The following CATSPERB variants were observed in gnomAD, a reference collection of about 807,000 sequenced individuals.
The protein encoded by CATSPERB is catsper channel auxiliary subunit beta.
A neutral mutation model predicts 128.3 loss-of-function variants in CATSPERB; 93 were observed. The observed-to-expected ratio is 0.72, with a 90% CI of 0.61 to 0.86. The LOEUF is 0.86. CATSPERB is among the 40% of genes least tolerant of loss of function. The probability of loss-of-function intolerance (pLI) is 0.00; values close to 1 mark genes in which losing one functional copy is unlikely to be tolerated. For missense variants in CATSPERB, 1,153 were observed against 1,329.5 expected, an observed-to-expected ratio of 0.87 and a Z score of 2.06; for synonymous variants, 381 against 448.8, an observed-to-expected ratio of 0.85 and a Z score of 1.91.
chr14:91,611,383 G>A (rs1893823545), intron 20 of CATSPERB, among the ~76,000 whole-genome samples: 1 of 152,216 alleles, frequency 6.6e-6, no homozygotes, highest in South Asian at 2.1e-4. Context: ...GCTGAGGTGG[G>A]TGGATCACCT....
At chr14:91,660,795 A>G (rs1232146207) in intron 14 of CATSPERB, among the ~76,000 whole-genome samples, 2 of 152,196 alleles carry the variant, frequency 1.3e-5, no homozygotes, top group South Asian at 2.1e-4. Context: ...AATATAATCA[A>G]TCCTAGTCTC....
chr14:91,683,488 G>A (rs1041686854), intron 11 of CATSPERB, among the ~76,000 whole-genome samples: 13 of 144,568 alleles, frequency 9.0e-5, no homozygotes, highest in African/African-American at 3.0e-4. Context: ...CTTCCCACCC[G>A]ACACTCCCTT....
chr14:91,681,544 G>C (rs1052730495), intron 11 of CATSPERB, among the ~76,000 whole-genome samples: 6 of 152,208 alleles, frequency 3.9e-5, no homozygotes, highest in Non-Finnish European at 2.9e-5. Context: ...GTTTATGGGA[G>C]ACGCTCCCTG....
At chr14:91,674,728 A>G (rs1895160156) in intron 11 of CATSPERB, among the ~76,000 whole-genome samples, 1 of 152,168 alleles carries the variant, frequency 6.6e-6, no homozygotes, top group Non-Finnish European at 1.5e-5. Context: ...TAATTTTGAA[A>G]CAAATCAGAC....
rs763211652 is a variant in CATSPERB at position 91,704,563 on chromosome 14, G to A, written c.605C>T (p.Thr202Ile). The stretch of plus-strand genomic sequence containing the variant: ...AGCTGTAGACCTACCATCAACTATT[G>A]TATCCACAATGAAGCCTAGTAATGC... The part of the protein sequence containing the change: ...DVALLGFIVD[T>I]IVDGVYIGIT... The change falls in exon 7 of 27, where the codon ACA (threonine) becomes ATA (isoleucine). Residue 202 changes from threonine to isoleucine, a missense_variant. By Grantham distance (89) the Thr-to-Ile change is moderately conservative. Transcript: ENST00000256343. 5.6e-6 allele frequency: 9 copies of A among 1,612,870 alleles called. No individual in the cohort carries two copies. Among genetic ancestry groups the A allele is most frequent in the East Asian group, 4.5e-5 (2 of 44,834 alleles).
chr14:91,701,723 GA>G (rs1287152111), intron 7 of CATSPERB, among the ~76,000 whole-genome samples: 1 of 152,054 alleles, frequency 6.6e-6, no homozygotes, highest in African/African-American at 2.4e-5. Context: ...CATGTGGTAT[GA>G]AGGCCAGGAG....
At chr14:91,636,190 C>G in intron 17 of CATSPERB, 1 of 431,198 alleles carries the variant, frequency 2.3e-6, no homozygotes. Flanking sequence ...TGGTGAAACC[C>G]CATCTCTACA....
At chr14:91,627,196 G>A (rs1282110157) in intron 17 of CATSPERB, among the ~76,000 whole-genome samples, 1 of 152,158 alleles carries the variant, frequency 6.6e-6, no homozygotes, top group Non-Finnish European at 1.5e-5. Flanking sequence ...TCTCTCATTA[G>A]TAATTGGTAC....
intron 17 of CATSPERB, chr14:91,636,047 T>C (rs1173383336): frequency 6.1e-6 from 1 of 165,066 alleles, no homozygotes; most frequent in Non-Finnish European, 1.3e-5. Flanking sequence ...AGAAAATTAT[T>C]CAAAAAAGTA....
At chr14:91,600,449 C>T (rs1893590199) in intron 22 of CATSPERB, among the ~76,000 whole-genome samples, 1 of 151,906 alleles carries the variant, frequency 6.6e-6, no homozygotes, top group Non-Finnish European at 1.5e-5. Context: ...TAAAGAAATA[C>T]CTGAGACTGG....
intron 7 of CATSPERB, among the ~76,000 whole-genome samples, chr14:91,700,747 G>A (rs575195288): frequency 1.4e-4 from 21 of 152,210 alleles, no homozygotes; most frequent in African/African-American, 4.8e-4. Context: ...AATACCATAT[G>A]TTCTCACTTG....
intron 14 of CATSPERB, 118 bp from the exon 15 acceptor site, chr14:91,660,099 ATC>A (rs55665101): frequency 0.27 from 134,101 of 495,874 alleles, 7,799 homozygotes; most frequent in East Asian, 0.38. Context: ...GCCTACATTC[ATC>A]TCTCTCTCTC....
chr14:91,678,774 A>C (rs2139836377), intron 11 of CATSPERB, among the ~76,000 whole-genome samples: 1 of 152,294 alleles, frequency 6.6e-6, no homozygotes, highest in South Asian at 2.1e-4. Context: ...AAGGCTATAA[A>C]CCCAGCCAAA....
chr14:91,699,332 G>A (rs1030709842), intron 7 of CATSPERB, among the ~76,000 whole-genome samples: 13 of 151,888 alleles, frequency 8.6e-5, no homozygotes, highest in Non-Finnish European at 1.8e-4. Context: ...CAGTGTATAA[G>A]CATTCCCTTT....
chr14:91,598,750 T>C (rs1893554918), intron 22 of CATSPERB, among the ~76,000 whole-genome samples: 8 of 148,854 alleles, frequency 5.4e-5, no homozygotes, highest in Admixed American at 4.8e-4. Flanking sequence ...CCCAGCTACT[T>C]GGGAGGCTGA....
At chr14:91,600,739 T>C (rs779919792) in intron 22 of CATSPERB, among the ~76,000 whole-genome samples, 1 of 152,188 alleles carries the variant, frequency 6.6e-6, no homozygotes, top group African/African-American at 2.4e-5. Context: ...TCACAAATAG[T>C]ATACTTTAAC....
rs1267941557 is a variant in CATSPERB at position 91,589,682 on chromosome 14, T to C, written c.2821-13A>G. On this transcript the variant is annotated splice_polypyrimidine_tract_variant and intron_variant, in intron 23 of 26. Transcript: ENST00000256343. ...TAAAGCGAGGAACCTAAAATACAAA[T>C]TCCAAGAATGAATGTAAACTTGGGA... is the stretch of plus-strand genomic sequence containing the variant. 1 of 1,608,092 alleles carries C rather than the reference T, an allele frequency of 6.2e-7. No individual in the cohort carries two copies. Among genetic ancestry groups the C allele is most frequent in the Non-Finnish European group, 8.5e-7 (1 of 1,176,764 alleles).
chr14:91,671,647 C>T (rs920037217), intron 13 of CATSPERB, among the ~76,000 whole-genome samples: 4 of 151,948 alleles, frequency 2.6e-5, no homozygotes, highest in African/African-American at 9.7e-5. Context: ...GTTTGCTGTC[C>T]TGAAAACCCA....
At chr14:91,589,022 C>T (rs942196116) in intron 24 of CATSPERB, among the ~76,000 whole-genome samples, 2 of 152,176 alleles carry the variant, frequency 1.3e-5, no homozygotes, top group Non-Finnish European at 2.9e-5. Context: ...ACAAAATGTG[C>T]AACAAAAAGT....
Sources: allele counts gnomAD v4.1 joint callset (sites outside exome capture counted in the v4.1 genomes callset), GRCh38; gene constraint gnomAD v4.1.1; transcripts MANE v1.5; gene names NCBI Gene and HGNC (gene_info 2026-07-23, HGNC 2026-07-21).